NKAIN1: variants seen among roughly 807,000 people sequenced by gnomAD.
NKAIN1 encodes the protein sodium/potassium-transporting ATPase subunit beta-1-interacting protein 1.
In NKAIN1, 13 loss-of-function variants were observed where a neutral mutation model predicts 31.6. That is an observed-to-expected ratio of 0.41 (90% CI 0.27 to 0.65). The LOEUF is 0.65. NKAIN1 is among the 30% of genes least tolerant of loss of function. The probability of loss-of-function intolerance (pLI) is 0.30; values close to 1 mark genes in which losing one functional copy is unlikely to be tolerated. For missense variants in NKAIN1, 193 were observed against 262.2 expected (o/e 0.74, Z 1.82); for synonymous variants, 104 against 109.0 (o/e 0.95, Z 0.28).
chr1:31,198,661 C>G (rs1275838770), intron 1 of NKAIN1, among the ~76,000 whole-genome samples: 1 of 152,144 alleles, frequency 6.6e-6, no homozygotes. Flanking sequence ...GGCCCTTCTG[C>G]TCTCCAGAGT....
intron 1 of NKAIN1, among the ~76,000 whole-genome samples, chr1:31,205,349 C>T (rs1052066098): frequency 6.6e-5 from 10 of 151,928 alleles, no homozygotes; most frequent in African/African-American, 2.4e-4. Flanking sequence ...GGCTCTGTTG[C>T]CTAGGCTGGA....
chr1:31,181,675 A>T lies in NKAIN1; in HGVS notation c.*28T>A. The T allele has an allele frequency of 6.9e-7, 1 of 1,455,704 alleles. No individual in the cohort carries two copies. Among genetic ancestry groups the T allele is most frequent in the Non-Finnish European group, 9.1e-7 (1 of 1,099,158 alleles). 90.2% of individuals were successfully genotyped at this position (1,455,704 alleles called of 1,614,324 possible). On this transcript the variant is annotated 3_prime_UTR_variant, in exon 7 of 7. Transcript: ENST00000373736. ...CGGCAGCTGCGGTCAGCCCAGGGCG[A>T]GGCGCCGGGGTGGGCGCGGGGCAGA...
chr1:31,191,060 G>A (rs1211039663), intron 1 of NKAIN1, among the ~76,000 whole-genome samples: 2 of 152,216 alleles, frequency 1.3e-5, no homozygotes, highest in Non-Finnish European at 2.9e-5. Context: ...GGAGGCCAAG[G>A]TCGGCGGACC....
At chr1:31,208,856 T>C (rs564185658) in intron 1 of NKAIN1, among the ~76,000 whole-genome samples, 7 of 152,222 alleles carry the variant, frequency 4.6e-5, no homozygotes, top group Non-Finnish European at 8.8e-5. Context: ...CTGCGAGTTG[T>C]GATACTGAGG....
At position 31,185,081 on chromosome 1, in the gene NKAIN1, A is replaced by G. The variant is rs1237299184; in HGVS notation, c.273+166T>C. ...CATCATTGTGTTTGAGGAAGCCAGA[A>G]ATAAATTGTGTAAGTAGGAAATGGG... On this transcript the variant is annotated intron_variant, in intron 3 of 6. Transcript: ENST00000373736. 4.8e-6 allele frequency: 3 copies of G among 626,382 alleles called. No homozygotes were observed. In the Admixed American group the frequency reaches 8.3e-5, roughly 17 times the overall value. 38.8% of individuals were successfully genotyped at this position (626,382 alleles called of 1,614,324 possible). A position where few individuals can be genotyped will look rare whatever the true frequency, so the allele number is the denominator to read the frequency against.
At chr1:31,237,118 G>T (rs1645697922) in intron 1 of NKAIN1, among the ~76,000 whole-genome samples, 2 of 152,144 alleles carry the variant, frequency 1.3e-5, no homozygotes, top group Non-Finnish European at 2.9e-5. Context: ...AGGCATGGTG[G>T]TGTGCCCCCG....
intron 1 of NKAIN1, among the ~76,000 whole-genome samples, chr1:31,200,866 C>T (rs965624419): frequency 6.6e-6 from 1 of 151,320 alleles, no homozygotes; most frequent in Admixed American, 6.6e-5. Flanking sequence ...GACAGTCTCG[C>T]TCTGTCGCCC....
At chr1:31,217,524 C>T (rs546347440) in intron 1 of NKAIN1, among the ~76,000 whole-genome samples, 2 of 152,196 alleles carry the variant, frequency 1.3e-5, no homozygotes, top group Non-Finnish European at 2.9e-5. Flanking sequence ...CACCACTGCT[C>T]CCTACCAACC....
chr1:31,215,028 G>C (rs541198460), intron 1 of NKAIN1, among the ~76,000 whole-genome samples: 5 of 152,214 alleles, frequency 3.3e-5, no homozygotes, highest in Non-Finnish European at 7.3e-5. Flanking sequence ...GAAGGAGCCC[G>C]GAGGTCATTT....
chr1:31,218,046 T>TTCTTTCTTTCTTTC, intron 1 of NKAIN1, among the ~76,000 whole-genome samples: 1 of 140,176 alleles, frequency 7.1e-6, no homozygotes, highest in African/African-American at 2.7e-5. Flanking sequence ...CTTTCTTTCT[T>TTCTTTCTTTCTTTC]TCTTTCTTTC....
chr1:31,209,186 CCA>C (rs1645447620), intron 1 of NKAIN1, among the ~76,000 whole-genome samples: 1 of 152,146 alleles, frequency 6.6e-6, no homozygotes, highest in African/African-American at 2.4e-5. Flanking sequence ...ACCAGCCTGA[CCA>C]ACACGGTGAA....
At chr1:31,209,304 G>A (rs1375818067) in intron 1 of NKAIN1, among the ~76,000 whole-genome samples, 1 of 152,170 alleles carries the variant, frequency 6.6e-6, no homozygotes, top group African/African-American at 2.4e-5. Flanking sequence ...GAACCCGGGA[G>A]ACGGAGGTTG....
At chr1:31,195,466 G>A (rs530609776) in intron 1 of NKAIN1, among the ~76,000 whole-genome samples, 3 of 151,818 alleles carry the variant, frequency 2.0e-5, no homozygotes, top group African/African-American at 4.8e-5. Context: ...CCCTGCCGCC[G>A]CGGCTGGCCC....
rs1645227549 is a variant in NKAIN1, at chr1:31,184,480, C to T, written c.274-466G>A. Among the ~76,000 whole-genome samples, 4 of 152,140 alleles carry T rather than the reference C, an allele frequency of 2.6e-5. No individual in the cohort carries two copies. The South Asian group carries it at 8.3e-4, about 32-fold the overall frequency. On this transcript the variant is annotated intron_variant, in intron 3 of 6. Coordinates refer to ENST00000373736, the MANE Select transcript of NKAIN1 (RefSeq NM_024522.3). ...CAGTCACTCATTCAACAGATAAATA[C>T]TCACTGCCTGCCGACCAGGGGCCAA...
At chr1:31,218,060 C>CTT (rs1418918383) in intron 1 of NKAIN1, among the ~76,000 whole-genome samples, 1 of 142,370 alleles carries the variant, frequency 7.0e-6, no homozygotes, top group African/African-American at 2.7e-5. Flanking sequence ...TTCTTTCTTT[C>CTT]TTTCTTTCTT....
intron 4 of NKAIN1, among the ~76,000 whole-genome samples, chr1:31,183,137 G>A (rs1309763848): frequency 6.6e-6 from 1 of 152,270 alleles, no homozygotes; most frequent in East Asian, 1.9e-4. Context: ...CCACAGGCAT[G>A]AGGCATCACG....
Position 31,183,798 on chromosome 1 carries a change from G to T in NKAIN1, c.471+19C>A, listed in dbSNP as rs763597532. The T allele has an allele frequency of 1.2e-6, 2 of 1,604,260 alleles. No homozygotes were observed. The highest frequency in any genetic ancestry group is 1.7e-6 in the Non-Finnish European group (2 of 1,174,274). ...AGGGATCGGGAAGTGTGTGTAGGGT[G>T]GGGGACAGAAGGACTTACTGCCAGG... is the stretch of plus-strand genomic sequence containing the variant. On this transcript the variant is annotated intron_variant, in intron 4 of 6. Transcript: ENST00000373736.
rs779502880 is a variant in NKAIN1 at position 31,188,199 on chromosome 1, A to G, written c.55-12T>C. The G allele has an allele frequency of 1.4e-5, 21 of 1,550,776 alleles. 1 individual carries two copies. In the African/African-American group the frequency reaches 2.7e-4, roughly 20 times the overall value. On this transcript the variant is annotated splice_polypyrimidine_tract_variant and intron_variant, in intron 1 of 6. Coordinates refer to ENST00000373736, the MANE Select transcript of NKAIN1 (RefSeq NM_024522.3). ...TCCAGCGCAGCCACCTGTGGAAGAGACAGGCTGAGGCCACTGTCACCCCCC... is the reference window on the plus strand; with the variant it reads ...TCCAGCGCAGCCACCTGTGGAAGAGGCAGGCTGAGGCCACTGTCACCCCCC...
intron 1 of NKAIN1, among the ~76,000 whole-genome samples, chr1:31,200,082 C>G (rs141730431): frequency 6.6e-6 from 1 of 152,166 alleles, no homozygotes. Context: ...AACACATGCG[C>G]GCACACGCAT....
Sources: gnomAD v4.1 joint callset for allele counts (sites outside exome capture counted in the v4.1 genomes callset) on GRCh38, gnomAD v4.1.1 for gene constraint, MANE v1.5 for transcripts, NCBI Gene and HGNC (gene_info 2026-07-23, HGNC 2026-07-21) for gene names.